Variants in ZNF704 observed in about 807,000 individuals in gnomAD.
ZNF704 encodes zinc finger protein 704.
Under a neutral mutation model 44.7 loss-of-function variants are expected in ZNF704, and 10 were observed. That is an observed-to-expected ratio of 0.22 (90% CI 0.14 to 0.38). ZNF704 has a LOEUF of 0.38. Ranked by LOEUF, ZNF704 falls within the 10% of genes least tolerant of loss-of-function variation. ZNF704 has a pLI of 1.00. For missense variants in ZNF704, 390 were observed against 545.5 expected, an observed-to-expected ratio of 0.71 and a Z score of 2.84; for synonymous variants, 211 against 207.6, an observed-to-expected ratio of 1.02 and a Z score of -0.14.
rs572220902 is a variant in ZNF704, at chr8:80,729,928, T to C, written c.222-36821A>G. On this transcript the variant is annotated intron_variant, in intron 2 of 8. Transcript: ENST00000327835. ...TCAAATTTCTGATCAGCCTTACTGC[T>C]GCGAATCACCTGGATGGTGGCTTCT... Among the ~76,000 whole-genome samples the C allele has an allele frequency of 6.6e-5, 10 of 152,324 alleles. No homozygotes were observed. The East Asian group carries it at 1.5e-3, about 24-fold the overall frequency.
intron 2 of ZNF704, among the ~76,000 whole-genome samples, chr8:80,798,474 C>T (rs570454482): frequency 6.6e-6 from 1 of 152,230 alleles, no homozygotes; most frequent in South Asian, 2.1e-4. Flanking sequence ...AGGCTGGTCT[C>T]GAACTCTCAA....
intron 2 of ZNF704, among the ~76,000 whole-genome samples, chr8:80,787,367 G>A (rs543874674): frequency 1.3e-5 from 2 of 152,192 alleles, no homozygotes; most frequent in East Asian, 1.9e-4. Context: ...TCATGTCACC[G>A]ACATGTCACC....
At chr8:80,852,444 C>G (rs1044105461) in intron 1 of ZNF704, among the ~76,000 whole-genome samples, 1 of 152,186 alleles carries the variant, frequency 6.6e-6, no homozygotes, top group Non-Finnish European at 1.5e-5. Flanking sequence ...CTCTAAAATG[C>G]ATTAGTTGCT....
chr8:80,666,413 C>T (rs1274238875), intron 5 of ZNF704, among the ~76,000 whole-genome samples: 118 of 151,562 alleles, frequency 7.8e-4, no homozygotes, highest in African/African-American at 2.6e-3. Flanking sequence ...TGAATAATGC[C>T]GCAATAAACA....
chr8:80,782,505 G>A (rs1167984651), intron 2 of ZNF704, among the ~76,000 whole-genome samples: 7 of 152,080 alleles, frequency 4.6e-5, no homozygotes, highest in Admixed American at 4.6e-4. Context: ...ATACAATTAC[G>A]ATGTCCAGAT....
At position 80,774,352 on chromosome 8, in the gene ZNF704, G is replaced by A. The variant is rs192366466; in HGVS notation, c.221+47022C>T. On this transcript the variant is annotated intron_variant, in intron 2 of 8. Coordinates refer to ENST00000327835, the MANE Select transcript of ZNF704 (RefSeq NM_001033723.3). Reference sequence around the variant, plus strand: ...CCCAAAGTGCTGGGATTACAGGTGTGAGCCACTACAACCAGCCTAAATCTT... The same window carrying A: ...CCCAAAGTGCTGGGATTACAGGTGTAAGCCACTACAACCAGCCTAAATCTT... 1.5e-3 allele frequency among the ~76,000 whole-genome samples: 225 copies of A among 152,242 alleles called. 2 individuals carry two copies. Among genetic ancestry groups the A allele is most frequent in the African/African-American group, 5.2e-3 (214 of 41,526 alleles).
intron 7 of ZNF704, among the ~76,000 whole-genome samples, chr8:80,657,902 A>G (rs1197954627): frequency 2.0e-5 from 3 of 152,152 alleles, no homozygotes; most frequent in Non-Finnish European, 2.9e-5. Context: ...TCTGTAAAAA[A>G]TCAAGGGCAC....
intron 2 of ZNF704, among the ~76,000 whole-genome samples, chr8:80,819,977 A>C (rs1808242106): frequency 6.6e-6 from 1 of 152,228 alleles, no homozygotes; most frequent in African/African-American, 2.4e-5. Flanking sequence ...TTCCAAAGGT[A>C]CTGTTTTCCT....
At chr8:80,734,502 A>G (rs926619179) in intron 2 of ZNF704, among the ~76,000 whole-genome samples, 31 of 152,340 alleles carry the variant, frequency 2.0e-4, no homozygotes, top group African/African-American at 7.5e-4. Flanking sequence ...AACAAGATAA[A>G]CTGGAACTTA....
the ZNF704 span, among the ~76,000 whole-genome samples, chr8:80,881,484 A>G: frequency 2.0e-5 from 3 of 152,198 alleles, no homozygotes. Flanking sequence ...ATATACATCT[A>G]TTAATACATA....
At chr8:80,712,203 C>A (rs1335221366) in intron 2 of ZNF704, among the ~76,000 whole-genome samples, 1 of 152,190 alleles carries the variant, frequency 6.6e-6, no homozygotes, top group Admixed American at 6.5e-5. Context: ...GCCCTACTAC[C>A]TCCCTCTCTT....
In ZNF704 at chr8:80,659,902, AG is replaced by A. The variant is rs200871751; in HGVS notation, c.928-214del. 9.6e-3 allele frequency among the ~76,000 whole-genome samples: 1,460 copies of A among 152,326 alleles called. 22 individuals carry two copies. Among genetic ancestry groups the A allele is most frequent in the African/African-American group, 0.033 (1,389 of 41,570 alleles). On this transcript the variant is annotated intron_variant, in intron 6 of 8. Coordinates refer to ENST00000327835, the MANE Select transcript of ZNF704 (RefSeq NM_001033723.3). ...TAAGCAAGCTATCTAAGGTATAAAA[AG>A]AGATGGTTTTTGACTGTTGATTTCT... is the stretch of plus-strand genomic sequence containing the variant.
chr8:80,731,496 T>C (rs904012205), intron 2 of ZNF704, among the ~76,000 whole-genome samples: 9 of 152,214 alleles, frequency 5.9e-5, no homozygotes, highest in Admixed American at 4.6e-4. Context: ...TACATACTAA[T>C]GGGATTTCAA....
intron 7 of ZNF704, among the ~76,000 whole-genome samples, chr8:80,643,953 G>A (rs1230019180): frequency 6.6e-6 from 1 of 152,060 alleles, no homozygotes; most frequent in African/African-American, 2.4e-5. Context: ...TAAATACATG[G>A]ATTCTTGTAA....
chr8:80,739,491 G>A (rs551433587), intron 2 of ZNF704, among the ~76,000 whole-genome samples: 1 of 152,270 alleles, frequency 6.6e-6, no homozygotes, highest in African/African-American at 2.4e-5. Context: ...ACAAACTCAG[G>A]GAGGCTTGGC....
At chr8:80,880,035 T>TTCTGTC in the ZNF704 span, among the ~76,000 whole-genome samples, 28 of 152,326 alleles carry the variant, frequency 1.8e-4, no homozygotes, top group African/African-American at 6.0e-4. Context: ...TCCTCTGTCT[T>TTCTGTC]TCTGTCTCTG....
At chr8:80,825,650 T>C (rs1808358578) in intron 1 of ZNF704, among the ~76,000 whole-genome samples, 1 of 152,196 alleles carries the variant, frequency 6.6e-6, no homozygotes, top group South Asian at 2.1e-4. Flanking sequence ...ACTGCACTTA[T>C]TCCGAAATTG....
chr8:80,673,414 T>C (rs1818313477), intron 4 of ZNF704: 1 of 152,212 alleles, frequency 6.6e-6, no homozygotes, highest in South Asian at 2.1e-4. Context: ...ACGTTTATTG[T>C]GTTAAGCTAC....
chr8:80,861,329 C>G (rs1383062859), intron 1 of ZNF704, among the ~76,000 whole-genome samples: 5 of 152,156 alleles, frequency 3.3e-5, no homozygotes, highest in African/African-American at 1.2e-4. Flanking sequence ...TCCCTTACTT[C>G]CCCCAGTGTT....
Sources: gnomAD v4.1 joint callset for allele counts (sites outside exome capture counted in the v4.1 genomes callset) on GRCh38, gnomAD v4.1.1 for gene constraint, MANE v1.5 for transcripts, NCBI Gene and HGNC (gene_info 2026-07-23, HGNC 2026-07-21) for gene names.